The following SMG1 variants were observed in gnomAD, a reference collection of about 807,000 sequenced individuals.
The protein encoded by SMG1 is serine/threonine-protein kinase SMG1.
A neutral mutation model predicts 419.9 loss-of-function variants in SMG1; 22 were observed. The ratio of observed to expected loss-of-function variants is 0.05; its 90% CI spans 0.04 to 0.07. SMG1 has a LOEUF of 0.07. Among genes scored for constraint, SMG1 ranks in the 10% least tolerant of loss-of-function variants. The probability of loss-of-function intolerance (pLI) is 1.00; values close to 1 mark genes in which losing one functional copy is unlikely to be tolerated. For synonymous variants in SMG1, 1,538 were observed against 1,553.5 expected (o/e 0.99, Z 0.23); for missense variants, 3,185 against 4,342.0 (o/e 0.73, Z 7.49).
chr16:18,890,605 G>A (rs538258202), intron 5 of SMG1, among the ~76,000 whole-genome samples: 9 of 152,272 alleles, frequency 5.9e-5, no homozygotes, highest in Admixed American at 1.3e-4. Context: ...AGCTGAGATC[G>A]CACCACTGCA....
chr16:18,850,586 T>A (rs2034536218), intron 33 of SMG1, 119 bp from the exon 34 acceptor site: 1 of 659,076 alleles, frequency 1.5e-6, no homozygotes, highest in Admixed American at 2.8e-5. Context: ...TTATCCCACA[T>A]TTAGTGTTAT....
In SMG1 at chr16:18,867,601, T is replaced by C. The variant is rs1188543934; in HGVS notation, c.3195+589A>G. ...CATAAACAAATTTTCAGAACTACCT[T>C]TAAAGTTCTAAACTTTGCACGTAAG... On this transcript the variant is annotated intron_variant, in intron 22 of 62. Transcript: ENST00000446231. 2.0e-5 allele frequency among the ~76,000 whole-genome samples: 3 copies of C among 151,628 alleles called. No homozygotes were observed. In the East Asian group the frequency reaches 5.8e-4, roughly 29 times the overall value.
At chr16:18,874,108 A>G (rs1320592404) in intron 13 of SMG1, among the ~76,000 whole-genome samples, 1 of 152,136 alleles carries the variant, frequency 6.6e-6, no homozygotes. Flanking sequence ...TAAAAACTTT[A>G]TTCCCTAATT....
At chr16:18,837,479 A>G (rs768143353) in intron 45 of SMG1, 36 bp from the exon 46 acceptor site, 1 of 1,561,380 alleles carries the variant, frequency 6.4e-7, no homozygotes, top group Non-Finnish European at 8.7e-7. Flanking sequence ...AGACTCTTAC[A>G]GGGCCAATTT....
intron 12 of SMG1, 112 bp downstream of exon 12, chr16:18,877,019 A>G: frequency 2.7e-6 from 2 of 749,658 alleles, no homozygotes; most frequent in Admixed American, 4.8e-5. Flanking sequence ...TATATTCTAA[A>G]TCAAACATTT....
intron 28 of SMG1, 49 bp from the exon 29 acceptor site, chr16:18,858,339 T>C (rs2035031348): frequency 2.6e-6 from 4 of 1,547,296 alleles, no homozygotes; most frequent in Non-Finnish European, 3.5e-6. Context: ...GCTGTTGATA[T>C]GTTTGCAGAT....
intron 11 of SMG1, 84 bp downstream of exon 11, chr16:18,879,411 A>T: frequency 7.6e-7 from 1 of 1,309,522 alleles, no homozygotes; most frequent in East Asian, 2.5e-5. Context: ...CACCATGCCC[A>T]GACAAAGCCC....
intron 46 of SMG1, 58 bp downstream of exon 46, chr16:18,837,195 G>C (rs1280506687): frequency 7.2e-7 from 1 of 1,388,830 alleles, no homozygotes; most frequent in Non-Finnish European, 9.9e-7. Flanking sequence ...ATGTTTACAT[G>C]AATATGAAAA....
In SMG1 at chr16:18,838,366, T is replaced by C. The variant is rs749333341; in HGVS notation, c.7185A>G (p.Ser2395=). 1.2e-5 allele frequency: 19 copies of C among 1,608,612 alleles called. No homozygotes were observed. The highest frequency in any genetic ancestry group is 6.8e-5 in the Admixed American group (4 of 59,014). ...AGAGAAAACAGCATACCTGCTCACA[T>C]GAAAGCCTAAATACACCTTCTACTC... is the stretch of plus-strand genomic sequence containing the variant. ...VTGVEGVFRL[S]CEQVLHIMRR... is the part of the protein sequence containing the mutation. Residue 2395 remains serine, a synonymous_variant, in exon 44 of 63, where the codon TCA becomes TCG. Coordinates refer to ENST00000446231, the MANE Select transcript of SMG1 (RefSeq NM_015092.5).
rs181465413 is a variant in SMG1 at position 18,829,586 on chromosome 16, G to C, written c.9303C>G (p.Ala3101=). 64 of 1,613,978 alleles carry C rather than the reference G, an allele frequency of 4.0e-5. No individual in the cohort carries two copies. The African/African-American group carries it at 8.0e-4, about 20-fold the overall frequency. The stretch of plus-strand genomic sequence containing the variant: ...TAAAACTGCACAGTGTGAGTCCGAG[G>C]GCTTGGTTGGGTAGCCCTATCAAGA... ...RQLLIGLPNQ[A]LGLTLCSFIS... The change falls in exon 54 of 63, where the codon GCC becomes GCG. Residue 3101 remains alanine (A), a synonymous_variant. Transcript: ENST00000446231.
intron 10 of SMG1, 42 bp downstream of exon 10, chr16:18,882,123 T>C: frequency 1.4e-6 from 2 of 1,425,000 alleles, no homozygotes; most frequent in South Asian, 1.5e-5. Flanking sequence ...TGTAAAACAA[T>C]TTTATTTTTG....
rs1290883682 is a variant in SMG1 at position 18,829,684 on chromosome 16, T to C, written c.9205A>G (p.Arg3069Gly). 1 of 1,613,990 alleles carries C rather than the reference T, an allele frequency of 6.2e-7. No individual in the cohort carries two copies. Among genetic ancestry groups the C allele is most frequent in the Non-Finnish European group, 8.5e-7 (1 of 1,179,886 alleles). ...VQIVNVKTLF[R>G]NSCFSEDQMA... The stretch of plus-strand genomic sequence containing the variant: ...TGGTCTTCACTGAAACAAGAGTTTC[T>C]AAAAAGGGTTTTCACATTGACAATC... Residue 3069 changes from arginine to glycine, a missense_variant, in exon 54 of 63, where the codon AGA becomes GGA. By Grantham distance (125) the Arg-to-Gly change is moderately radical. Around this residue, in one of 27 missense-constraint regions of SMG1, gnomAD observed 737 missense variants for 846.6 expected, o/e 0.87. Coordinates refer to ENST00000446231, the MANE Select transcript of SMG1 (RefSeq NM_015092.5).
Position 18,869,835 on chromosome 16 carries a change from A to T in SMG1, c.2633+19T>A. ...TAAAATTATGTTTCCCAGATAAAAG[A>T]GTCAAAGAAATGCCTTACCCTGTTC... On this transcript the variant is annotated intron_variant, in intron 19 of 62. Transcript: ENST00000446231. 1 of 1,578,596 alleles carries T rather than the reference A, an allele frequency of 6.3e-7. No homozygotes were observed. The highest frequency in any genetic ancestry group is 1.1e-5 in the South Asian group (1 of 90,352).
rs370036189 is a variant in SMG1 at position 18,839,870 on chromosome 16, C to T, written c.6773G>A (p.Gly2258Asp). The T allele has an allele frequency of 1.9e-6, 3 of 1,612,566 alleles. No homozygotes were observed. The African/African-American group carries it at 4.0e-5, about 22-fold the overall frequency. Reference sequence around the variant, plus strand: ...AAGCCCAACTGTTTTCAAAGCAGGGCCAATTTTACTGTAATAAAGTTCACT... The same window carrying T: ...AAGCCCAACTGTTTTCAAAGCAGGGTCAATTTTACTGTAATAAAGTTCACT... ...RPSELYYSKI[G>D]PALKTVGLSL... The change falls in exon 42 of 63, where the codon GGC becomes GAC. Residue 2258 changes from glycine (G) to aspartate (D), a missense_variant. By Grantham distance (94) the Gly-to-Asp change is moderately conservative. Transcript: ENST00000446231.
chr16:18,926,073 G>A lies in SMG1; in HGVS notation c.-32C>T, dbSNP rs1373227052. ...CCCCGACACGACATGGCCAAGCGCCGCCGCCCAAAGAAGCGCGAGTCGCCG... is the reference window on the plus strand; with the variant it reads ...CCCCGACACGACATGGCCAAGCGCCACCGCCCAAAGAAGCGCGAGTCGCCG... On this transcript the variant is annotated 5_prime_UTR_variant, in exon 1 of 63. Coordinates refer to ENST00000446231, the MANE Select transcript of SMG1 (RefSeq NM_015092.5). The A allele has an allele frequency of 3.3e-6, 5 of 1,535,078 alleles. No homozygotes were observed. The highest frequency in any genetic ancestry group is 2.3e-4 in the Middle Eastern group (1 of 4,284).
chr16:18,830,996 A>C (rs553693105), intron 51 of SMG1, among the ~76,000 whole-genome samples: 1 of 152,332 alleles, frequency 6.6e-6, no homozygotes, highest in East Asian at 1.9e-4. Context: ...CACCATTCTA[A>C]AGCTGGCGGA....
chr16:18,863,448 T>A (rs896024379), intron 25 of SMG1, among the ~76,000 whole-genome samples: 26 of 152,256 alleles, frequency 1.7e-4, no homozygotes, highest in Non-Finnish European at 3.1e-4. Context: ...CAAATGACTA[T>A]CTCAGCAGTG....
At position 18,883,203 on chromosome 16, in the gene SMG1, CAA is replaced by C. The variant is rs201174287; in HGVS notation, c.1119+865_1119+866del. Among the ~76,000 whole-genome samples the C allele has an allele frequency of 6.3e-3, 960 of 152,232 alleles. 16 individuals are homozygous for C. The highest frequency in any genetic ancestry group is 0.022 in the African/African-American group (906 of 41,542). On this transcript the variant is annotated intron_variant, in intron 9 of 62. Coordinates refer to ENST00000446231, the MANE Select transcript of SMG1 (RefSeq NM_015092.5). ...GGTTGATCTGAATAGGGGAGAAACA[CAA>C]AGAGATTCAGATAAGAGATGGCACA...
intron 1 of SMG1, among the ~76,000 whole-genome samples, chr16:18,923,442 A>G (rs562532026): frequency 6.6e-6 from 1 of 152,188 alleles, no homozygotes; most frequent in Non-Finnish European, 1.5e-5. Flanking sequence ...TCAGGAGTCC[A>G]AGAACAGGCT....
Sources: gnomAD v4.1 joint callset for allele counts (sites outside exome capture counted in the v4.1 genomes callset) on GRCh38, gnomAD v4.1.1 for gene constraint, gnomAD v4.1.1 regional missense constraint, MANE v1.5 for transcripts, NCBI Gene and HGNC (gene_info 2026-07-23, HGNC 2026-07-21) for gene names.